The following KIF6 variants were observed in gnomAD, a reference collection of about 807,000 sequenced individuals.
The protein encoded by KIF6 is kinesin family member 6.
KIF6 carries 106 observed loss-of-function variants against 112.7 expected under a neutral mutation model. That is an observed-to-expected ratio of 0.94 (90% confidence interval 0.80 to 1.11). The LOEUF (loss-of-function observed/expected upper bound fraction) is 1.11. Among genes scored for constraint, KIF6 ranks in the 50% least tolerant of loss-of-function variants. The pLI is 0.00. For missense variants in KIF6, 929 were observed against 964.0 expected (o/e 0.96, Z 0.48); for synonymous variants, 339 against 339.9 (o/e 1.00, Z 0.03).
At chr6:39,603,732 G>C (rs1054283777) in intron 6 of KIF6, among the ~76,000 whole-genome samples, 6 of 151,910 alleles carry the variant, frequency 3.9e-5, no homozygotes, top group African/African-American at 1.4e-4. Context: ...TTAAACTAAT[G>C]TTTTCAATCA....
intron 4 of KIF6, among the ~76,000 whole-genome samples, chr6:39,637,628 T>C (rs10947824): frequency 0.31 from 47,687 of 151,742 alleles, 7,971 homozygotes; most frequent in South Asian, 0.51. Context: ...TTAAGAATTC[T>C]AGAGAGCTCC....
intron 14 of KIF6, among the ~76,000 whole-genome samples, chr6:39,426,458 A>G (rs1770772559): frequency 6.6e-6 from 1 of 152,204 alleles, no homozygotes; most frequent in South Asian, 2.1e-4. Flanking sequence ...CTTTCTATTA[A>G]GTAACATGGG....
intron 10 of KIF6, among the ~76,000 whole-genome samples, chr6:39,563,607 G>A (rs550739151): frequency 4.7e-4 from 71 of 152,274 alleles, no homozygotes; most frequent in Admixed American, 5.9e-4. Context: ...AATAGTTTGT[G>A]ATAAATATCT....
intron 22 of KIF6, among the ~76,000 whole-genome samples, chr6:39,338,943 CAG>C (rs1321387923): frequency 2.8e-5 from 1 of 36,036 alleles, no homozygotes; most frequent in Non-Finnish European, 5.2e-5. Flanking sequence ...GCAGTAATGA[CAG>C]GGGGTGGGTG....
At chr6:39,608,525 C>T (rs1259316748) in intron 6 of KIF6, among the ~76,000 whole-genome samples, 10 of 152,240 alleles carry the variant, frequency 6.6e-5, no homozygotes, top group South Asian at 2.1e-4. Flanking sequence ...ATATCACTTT[C>T]GCACCATTTA....
At chr6:39,542,259 C>A (rs1026932571) in intron 12 of KIF6, among the ~76,000 whole-genome samples, 1 of 152,172 alleles carries the variant, frequency 6.6e-6, no homozygotes, top group East Asian at 1.9e-4. Context: ...TTCTTCTCAC[C>A]TTTCCCCTGT....
chr6:39,723,659 C>T (rs1321853340), intron 1 of KIF6, among the ~76,000 whole-genome samples: 2 of 152,158 alleles, frequency 1.3e-5, no homozygotes, highest in Non-Finnish European at 2.9e-5. Context: ...AAGCCAAACA[C>T]CACATGTTCT....
chr6:39,486,363 C>A (rs1211019311), intron 13 of KIF6, among the ~76,000 whole-genome samples: 1 of 152,084 alleles, frequency 6.6e-6, no homozygotes, highest in Non-Finnish European at 1.5e-5. Flanking sequence ...TCCAGTTGTC[C>A]CTTCTAGAGC....
At chr6:39,540,650 G>A (rs1778737006) in intron 12 of KIF6, among the ~76,000 whole-genome samples, 1 of 152,364 alleles carries the variant, frequency 6.6e-6, no homozygotes, top group South Asian at 2.1e-4. Flanking sequence ...GCAGAGCAGA[G>A]CGGGAGGATG....
Position 39,359,893 on chromosome 6 carries a change from T to C in KIF6, c.2082+502A>G, listed in dbSNP as rs143230792. Among the ~76,000 whole-genome samples the C allele has an allele frequency of 4.5e-3, 690 of 152,302 alleles. 4 individuals carry two copies. The highest frequency in any genetic ancestry group is 0.015 in the African/African-American group (608 of 41,562). ...CATGAGCCACCGTGCCCAGCCTGATTCTATTTGTACAAAAACATATGGATA... is the reference window on the plus strand; with the variant it reads ...CATGAGCCACCGTGCCCAGCCTGATCCTATTTGTACAAAAACATATGGATA... On this transcript the variant is annotated intron_variant, in intron 18 of 22. Coordinates refer to ENST00000287152, the MANE Select transcript of KIF6 (RefSeq NM_145027.6).
intron 15 of KIF6, among the ~76,000 whole-genome samples, chr6:39,403,971 CT>C (rs955664451): frequency 6.6e-6 from 1 of 152,068 alleles, no homozygotes; most frequent in African/African-American, 2.4e-5. Flanking sequence ...CTGGTCAGGC[CT>C]TTTGCACCCC....
At chr6:39,374,143 T>G (rs1430459357) in intron 16 of KIF6, among the ~76,000 whole-genome samples, 1 of 152,164 alleles carries the variant, frequency 6.6e-6, no homozygotes, top group Non-Finnish European at 1.5e-5. Flanking sequence ...GTTTCTTCAA[T>G]AAAAGGTGTT....
chr6:39,638,480 G>T (rs1408245215), intron 4 of KIF6, among the ~76,000 whole-genome samples: 1 of 152,070 alleles, frequency 6.6e-6, no homozygotes, highest in African/African-American at 2.4e-5. Context: ...AATGAAAAAA[G>T]GGCTTTGGAT....
At chr6:39,486,003 G>C (rs1009411475) in intron 13 of KIF6, among the ~76,000 whole-genome samples, 1 of 152,176 alleles carries the variant, frequency 6.6e-6, no homozygotes, top group African/African-American at 2.4e-5. Flanking sequence ...TGTGGGATTC[G>C]AATTCAGACA....
At chr6:39,351,146 C>T (rs1156467617) in intron 19 of KIF6, among the ~76,000 whole-genome samples, 2 of 147,824 alleles carry the variant, frequency 1.4e-5, no homozygotes, top group African/African-American at 5.0e-5. Flanking sequence ...CTGATGCACA[C>T]CTTTCAAATT....
At chr6:39,626,177 G>A (rs1784084517) in intron 5 of KIF6, among the ~76,000 whole-genome samples, 1 of 152,096 alleles carries the variant, frequency 6.6e-6, no homozygotes, top group Non-Finnish European at 1.5e-5. Flanking sequence ...AGAATCCAGG[G>A]CATCTTGTCA....
At chr6:39,465,555 T>A (rs1014333981) in intron 13 of KIF6, among the ~76,000 whole-genome samples, 1 of 152,172 alleles carries the variant, frequency 6.6e-6, no homozygotes, top group Non-Finnish European at 1.5e-5. Context: ...ACTGCTGCAA[T>A]ACCTTCCTAT....
At chr6:39,431,003 C>T in intron 14 of KIF6, 50 bp downstream of exon 14, 1 of 1,083,072 alleles carries the variant, frequency 9.2e-7, no homozygotes, top group Non-Finnish European at 1.4e-6. Context: ...CTCTTCTAGG[C>T]TGGCCTGGCT....
chr6:39,502,871 CTTGGGCTTCACACAAT>C (rs1776210650), intron 13 of KIF6, among the ~76,000 whole-genome samples: 1 of 152,132 alleles, frequency 6.6e-6, no homozygotes, highest in African/African-American at 2.4e-5. Context: ...TACCAAGAGA[CTTGGGCTTCACACAAT>C]AGTAGGGGGA....
Sources: gnomAD v4.1 joint callset for allele counts (sites outside exome capture counted in the v4.1 genomes callset) on GRCh38, gnomAD v4.1.1 for gene constraint, MANE v1.5 for transcripts, NCBI Gene and HGNC (gene_info 2026-07-23, HGNC 2026-07-21) for gene names.